STK17B: variants seen among roughly 807,000 people sequenced by gnomAD.
STK17B encodes the protein serine/threonine kinase 17b.
Under a neutral mutation model 42.0 loss-of-function variants are expected in STK17B, and 21 were observed. The observed-to-expected ratio is 0.50, with a 90% CI of 0.35 to 0.72. The LOEUF (loss-of-function observed/expected upper bound fraction) is 0.72, where lower values mean the gene tolerates loss of function less well. Among genes scored for constraint, STK17B ranks in the 30% least tolerant of loss-of-function variants. The pLI, the probability that STK17B is intolerant of heterozygous loss-of-function variation, is 0.00. For synonymous variants in STK17B, 143 were observed against 148.4 expected (o/e 0.96, Z 0.26); for missense variants, 349 against 446.0 (o/e 0.78, Z 1.96).
At chr2:196,151,028 A>T (rs1489964434) in intron 3 of STK17B, among the ~76,000 whole-genome samples, 2 of 152,220 alleles carry the variant, frequency 1.3e-5, no homozygotes, top group African/African-American at 2.4e-5. Context: ...AGATCATTCC[A>T]GAAGGTAAGG....
In STK17B at chr2:196,137,454, A is replaced by G; in HGVS notation, c.1112T>C (p.Leu371Pro). Residue 371 changes from leucine (L) to proline (P), a missense_variant, in exon 8 of 8, where the codon CTC (leucine) becomes CCC (proline). Leu to Pro is a moderately conservative substitution (Grantham distance 98). Transcript: ENST00000263955. Reference protein sequence around the residue: ...PNPHELVSDLLC With the variant: ...PNPHELVSDLPC ...GAGTCAAAGAAAAAAGTGCTAACAG[A>G]GCAAATCTGAAACAAGTTCATGGGG... The G allele has an allele frequency of 6.2e-7, 1 of 1,613,536 alleles. No homozygotes were observed. Among genetic ancestry groups the G allele is most frequent in the Non-Finnish European group, 8.5e-7 (1 of 1,179,772 alleles).
chr2:196,133,640 A>G lies in STK17B; in HGVS notation c.*3807T>C, dbSNP rs1575166415. The G allele has an allele frequency of 6.6e-6, 1 of 152,392 alleles. No individual in the cohort carries two copies. Among genetic ancestry groups the G allele is most frequent in the East Asian group, 1.9e-4 (1 of 5,196 alleles). 9.4% of individuals were successfully genotyped at this position (152,392 alleles called of 1,614,324 possible). A position where few individuals can be genotyped will look rare whatever the true frequency, so the allele number is the denominator to read the frequency against. Reference sequence around the variant, plus strand: ...AGGGTTCATAGATGACCTAGGTCAAAGGCTAGAACATGCAGACATACTTTT... The same window carrying G: ...AGGGTTCATAGATGACCTAGGTCAAGGGCTAGAACATGCAGACATACTTTT... On this transcript the variant is annotated 3_prime_UTR_variant, in exon 8 of 8. Coordinates refer to ENST00000263955, the MANE Select transcript of STK17B (RefSeq NM_004226.4).
At chr2:196,150,179 T>TAAAAAAAAAA (rs143244008) in intron 3 of STK17B, among the ~76,000 whole-genome samples, 2 of 113,514 alleles carry the variant, frequency 1.8e-5, no homozygotes, top group Non-Finnish European at 3.6e-5. Flanking sequence ...GAGCAGTGAC[T>TAAAAAAAAAA]AAAAAAAAAA....
chr2:196,175,684 T>A (rs1320011138), upstream of STK17B, among the ~76,000 whole-genome samples: 1 of 152,200 alleles, frequency 6.6e-6, no homozygotes, highest in Non-Finnish European at 1.5e-5. Context: ...TAATATAAAT[T>A]TAATGACAAT....
chr2:196,164,822 T>A (rs1274591882), intron 1 of STK17B, among the ~76,000 whole-genome samples: 2 of 152,190 alleles, frequency 1.3e-5, no homozygotes, highest in Admixed American at 1.3e-4. Flanking sequence ...AAAATTAAAT[T>A]AAAATTATAG....
chr2:196,158,208 G>A (rs1287246261), intron 2 of STK17B, among the ~76,000 whole-genome samples: 2 of 152,094 alleles, frequency 1.3e-5, no homozygotes, highest in Non-Finnish European at 2.9e-5. Context: ...TGTTTAGGGG[G>A]TACGGGGTGG....
rs1033356374 is a variant in STK17B at position 196,137,045 on chromosome 2, A to G, written c.*402T>C. On this transcript the variant is annotated 3_prime_UTR_variant, in exon 8 of 8. Coordinates refer to ENST00000263955, the MANE Select transcript of STK17B (RefSeq NM_004226.4). Reference sequence around the variant, plus strand: ...CAAATTATGTTGATAGAGGCATGGTATAAGAGTCACCTTAGAGAGAGAACC... The same window carrying G: ...CAAATTATGTTGATAGAGGCATGGTGTAAGAGTCACCTTAGAGAGAGAACC... The G allele has an allele frequency of 1.5e-4, 25 of 164,758 alleles. No homozygotes were observed. Among genetic ancestry groups the G allele is most frequent in the African/African-American group, 3.8e-4 (16 of 41,680 alleles). 10.2% of individuals were successfully genotyped at this position (164,758 alleles called of 1,614,324 possible).
At chr2:196,169,378 T>C (rs1699910230) in intron 1 of STK17B, among the ~76,000 whole-genome samples, 1 of 152,214 alleles carries the variant, frequency 6.6e-6, no homozygotes, top group African/African-American at 2.4e-5. Flanking sequence ...ATACTATTCT[T>C]AACTGCCAAT....
intron 6 of STK17B, among the ~76,000 whole-genome samples, chr2:196,140,207 A>C (rs1432856549): frequency 6.6e-6 from 1 of 152,258 alleles, no homozygotes; most frequent in African/African-American, 2.4e-5. Context: ...TGGGCAGGCA[A>C]ATTTTTTCAC....
chr2:196,152,715 C>T (rs1699682363), intron 3 of STK17B, among the ~76,000 whole-genome samples: 1 of 151,922 alleles, frequency 6.6e-6, no homozygotes, highest in Admixed American at 6.6e-5. Context: ...ATACAAGGTG[C>T]AAAGGAGTAT....
At chr2:196,152,149 C>T (rs1023494906) in intron 3 of STK17B, among the ~76,000 whole-genome samples, 8 of 149,156 alleles carry the variant, frequency 5.4e-5, no homozygotes, top group Middle Eastern at 3.5e-3. Context: ...CTCTATTGCC[C>T]AGCCTGGCGC....
chr2:196,168,205 G>A (rs1699894587), intron 1 of STK17B, among the ~76,000 whole-genome samples: 1 of 152,144 alleles, frequency 6.6e-6, no homozygotes, highest in Non-Finnish European at 1.5e-5. Context: ...AACCATTCTA[G>A]TATATACTAT....
intron 6 of STK17B, among the ~76,000 whole-genome samples, chr2:196,140,027 T>C (rs1477032737): frequency 6.6e-6 from 1 of 152,206 alleles, no homozygotes; most frequent in Non-Finnish European, 1.5e-5. Context: ...ATACAATGTA[T>C]TCAATATATA....
upstream of STK17B, among the ~76,000 whole-genome samples, chr2:196,173,920 A>G (rs757477067): frequency 2.6e-5 from 4 of 152,188 alleles, no homozygotes; most frequent in Non-Finnish European, 5.9e-5. Context: ...AAAATGAGAT[A>G]ATATGAGTGG....
upstream of STK17B, among the ~76,000 whole-genome samples, chr2:196,175,780 C>T (rs1009946139): frequency 6.6e-6 from 1 of 152,176 alleles, no homozygotes; most frequent in African/African-American, 2.4e-5. Flanking sequence ...CAGTGTAGGT[C>T]TGAAGGGCTA....
intron 2 of STK17B, among the ~76,000 whole-genome samples, chr2:196,157,017 C>T (rs1260930920): frequency 6.6e-6 from 1 of 151,980 alleles, no homozygotes. Flanking sequence ...ATATAAAAAT[C>T]AGCCAGGCGT....
At chr2:196,149,227 A>T (rs1311407750) in intron 3 of STK17B, among the ~76,000 whole-genome samples, 1 of 150,756 alleles carries the variant, frequency 6.6e-6, no homozygotes, top group African/African-American at 2.4e-5. Flanking sequence ...GCAGTAGTGC[A>T]ATCTCTACTC....
Position 196,156,689 on chromosome 2 carries a change from G to C in STK17B, c.123-38C>G, listed in dbSNP as rs762210751. The C allele has an allele frequency of 5.3e-6, 8 of 1,519,430 alleles. No homozygotes were observed. In the East Asian group the frequency reaches 1.8e-4, roughly 34 times the overall value. The allele number at this position is 1,519,430 out of a possible 1,614,324, so 94.1% of individuals were successfully genotyped here. A position where few individuals can be genotyped will look rare whatever the true frequency, so the allele number is the denominator to read the frequency against. ...GAGAACAATCAATTTTAATTTTTCT[G>C]CAGAGAACAACGTTAGTATATTACA... On this transcript the variant is annotated intron_variant, in intron 2 of 7. Transcript: ENST00000263955.
chr2:196,145,817 C>T lies in STK17B; in HGVS notation c.480+94G>A, dbSNP rs185270788. The T allele has an allele frequency of 7.9e-5, 101 of 1,273,718 alleles. No individual in the cohort carries two copies. The East Asian group carries it at 2.3e-3, about 30-fold the overall frequency. 78.9% of individuals were successfully genotyped at this position (1,273,718 alleles called of 1,614,324 possible). A position where few individuals can be genotyped will look rare whatever the true frequency, so the allele number is the denominator to read the frequency against. ...TGCAGTCTAGAAGACCAGGAACCAACCATTGTTTCCTGTTAATACCAGTTT... is the reference window on the plus strand; with the variant it reads ...TGCAGTCTAGAAGACCAGGAACCAATCATTGTTTCCTGTTAATACCAGTTT... On this transcript the variant is annotated intron_variant, in intron 4 of 7. Transcript: ENST00000263955.
Sources: allele counts gnomAD v4.1 joint callset (sites outside exome capture counted in the v4.1 genomes callset), GRCh38; gene constraint gnomAD v4.1.1; transcripts MANE v1.5; gene names NCBI Gene and HGNC (gene_info 2026-07-23, HGNC 2026-07-21).